Variants in KCND3 observed in about 807,000 individuals in gnomAD.
KCND3 encodes the protein A-type voltage-gated potassium channel KCND3.
KCND3 carries 9 observed loss-of-function variants against 51.1 expected under a neutral mutation model. That is an observed-to-expected ratio of 0.18 (90% CI 0.11 to 0.31). The LOEUF is 0.31. Among genes scored for constraint, KCND3 ranks in the 10% least tolerant of loss-of-function variants. KCND3 has a pLI of 1.00. For missense variants in KCND3, 526 were observed against 903.8 expected, an observed-to-expected ratio of 0.58 and a Z score of 5.36; for synonymous variants, 349 against 368.0, an observed-to-expected ratio of 0.95 and a Z score of 0.59.
chr1:111,865,805 AC>A (rs1332843952), intron 2 of KCND3, among the ~76,000 whole-genome samples: 2 of 152,172 alleles, frequency 1.3e-5, no homozygotes, highest in Non-Finnish European at 2.9e-5. Context: ...CCTGGATTCA[AC>A]TGATCCACCT....
intron 2 of KCND3, among the ~76,000 whole-genome samples, chr1:111,929,695 T>A (rs921963090): frequency 3.5e-4 from 53 of 152,180 alleles, no homozygotes; most frequent in African/African-American, 1.2e-3. Flanking sequence ...CCATCCTGCT[T>A]GTGCCTTTCT....
chr1:111,984,867 C>T lies in KCND3; in HGVS notation c.-72-2069G>A, dbSNP rs756424755. Among the ~76,000 whole-genome samples the T allele has an allele frequency of 1.3e-3, 193 of 152,168 alleles. 2 individuals carry two copies. The highest frequency in any genetic ancestry group is 3.2e-4 in the Non-Finnish European group (22 of 68,032). ...CCTATTCATCACTCTCTCTGTGATG[C>T]TTCCTCCTCTCCTCACTATGAGATT... On this transcript the variant is annotated intron_variant, in intron 1 of 7. Coordinates refer to ENST00000302127, the MANE Select transcript of KCND3 (RefSeq NM_001378969.1).
chr1:111,964,576 T>C (rs1673862983), intron 2 of KCND3, among the ~76,000 whole-genome samples: 1 of 152,126 alleles, frequency 6.6e-6, no homozygotes, highest in Non-Finnish European at 1.5e-5. Context: ...AGCACAGCTC[T>C]AAGGGAAAAC....
chr1:111,861,611 A>G (rs1202522985), intron 2 of KCND3, among the ~76,000 whole-genome samples: 1 of 152,066 alleles, frequency 6.6e-6, no homozygotes, highest in Non-Finnish European at 1.5e-5. Flanking sequence ...AGTGGAAGAG[A>G]ACATGTCACC....
intron 2 of KCND3, among the ~76,000 whole-genome samples, chr1:111,939,396 C>A (rs1672380062): frequency 6.6e-6 from 1 of 152,150 alleles, no homozygotes; most frequent in African/African-American, 2.4e-5. Flanking sequence ...CACCCCCCAA[C>A]AGGCCCGGGT....
intron 2 of KCND3, among the ~76,000 whole-genome samples, chr1:111,794,626 A>G (rs1342817506): frequency 6.6e-6 from 1 of 152,132 alleles, no homozygotes; most frequent in African/African-American, 2.4e-5. Flanking sequence ...CAGGGTGAGG[A>G]GAGTTCTTAG....
chr1:111,923,840 C>T (rs1671582724), intron 2 of KCND3, among the ~76,000 whole-genome samples: 1 of 152,186 alleles, frequency 6.6e-6, no homozygotes, highest in African/African-American at 2.4e-5. Context: ...AATGACTCCT[C>T]CTTACCTTAC....
intron 2 of KCND3, among the ~76,000 whole-genome samples, chr1:111,913,402 C>A (rs1671055580): frequency 6.6e-6 from 1 of 152,166 alleles, no homozygotes; most frequent in Non-Finnish European, 1.5e-5. Flanking sequence ...AGGTAGGGTC[C>A]TCAGAAAGGC....
intron 2 of KCND3, among the ~76,000 whole-genome samples, chr1:111,916,786 A>C (rs1671237918): frequency 6.6e-6 from 1 of 152,188 alleles, no homozygotes; most frequent in Non-Finnish European, 1.5e-5. Context: ...TAAGTGTGAA[A>C]ATTTAGACAA....
rs537180297 is a variant in KCND3, at chr1:111,917,449, C to T, written c.1106+64172G>A. Among the ~76,000 whole-genome samples the T allele has an allele frequency of 1.1e-4, 17 of 152,258 alleles. 1 individual carries two copies. The highest frequency in any genetic ancestry group is 3.9e-4 in the African/African-American group (16 of 41,536). On this transcript the variant is annotated intron_variant, in intron 2 of 7. Transcript: ENST00000302127. Reference sequence around the variant, plus strand: ...CTCAAAAGTGCTCAGTAAATGCTCACTATTATTGTTAATTCAAATGATTAC... The same window carrying T: ...CTCAAAAGTGCTCAGTAAATGCTCATTATTATTGTTAATTCAAATGATTAC...
At position 111,774,312 on chromosome 1, in the gene KCND3, G is replaced by A. The variant is rs906217626; in HGVS notation, c.*1765C>T. ...ACAGCTAACCACTAAGCTGTAGGAT[G>A]GATAGGCAGCTCCCGAGGAGCTCAT... On this transcript the variant is annotated 3_prime_UTR_variant, in exon 8 of 8. Coordinates refer to ENST00000302127, the MANE Select transcript of KCND3 (RefSeq NM_001378969.1). The A allele has an allele frequency of 9.9e-5, 15 of 152,214 alleles. No individual in the cohort carries two copies. The highest frequency in any genetic ancestry group is 3.6e-4 in the African/African-American group (15 of 41,446). The allele number at this position is 152,214 out of a possible 1,614,324, so 9.4% of individuals were successfully genotyped here.
At position 111,837,671 on chromosome 1, in the gene KCND3, G is replaced by A. The variant is rs141484554; in HGVS notation, c.1107-50565C>T. 2.9e-3 allele frequency among the ~76,000 whole-genome samples: 437 copies of A among 152,202 alleles called. 9 individuals are homozygous for A. Among genetic ancestry groups the A allele is most frequent in the Middle Eastern group, 0.02 (6 of 294 alleles). On this transcript the variant is annotated intron_variant, in intron 2 of 7. Coordinates refer to ENST00000302127, the MANE Select transcript of KCND3 (RefSeq NM_001378969.1). ...CCGTCGATGAAGCATAGGATCACAC[G>A]GGTGTATTCACAGCCATGTTGCCCA...
At chr1:111,781,447 G>C (rs1329816971) in intron 3 of KCND3, among the ~76,000 whole-genome samples, 1 of 152,158 alleles carries the variant, frequency 6.6e-6, no homozygotes, top group Non-Finnish European at 1.5e-5. Flanking sequence ...TAAACAGTAG[G>C]TTCTCGATTT....
intron 2 of KCND3, among the ~76,000 whole-genome samples, chr1:111,794,676 C>A (rs981304935): frequency 6.6e-6 from 1 of 152,174 alleles, no homozygotes; most frequent in Non-Finnish European, 1.5e-5. Context: ...GGGACTCAGA[C>A]CTCTGTGGCT....
intron 2 of KCND3, among the ~76,000 whole-genome samples, chr1:111,800,629 C>A (rs373644220): frequency 9.2e-5 from 14 of 151,986 alleles, no homozygotes; most frequent in African/African-American, 2.4e-4. Flanking sequence ...CAGTTGTTCC[C>A]TGCCCTATGG....
intron 7 of KCND3, among the ~76,000 whole-genome samples, chr1:111,776,666 GAGTAACAC>G (rs1382054141): frequency 6.6e-6 from 1 of 152,188 alleles, no homozygotes; most frequent in Non-Finnish European, 1.5e-5. Flanking sequence ...GATAAGCCAT[GAGTAACAC>G]AGATACGAAA....
At chr1:111,801,466 C>T (rs968211780) in intron 2 of KCND3, among the ~76,000 whole-genome samples, 2 of 152,184 alleles carry the variant, frequency 1.3e-5, no homozygotes, top group African/African-American at 2.4e-5. Flanking sequence ...TGCCTCTCCT[C>T]GCACACCCCT....
At chr1:111,872,545 T>A (rs1668872067) in intron 2 of KCND3, among the ~76,000 whole-genome samples, 1 of 152,152 alleles carries the variant, frequency 6.6e-6, no homozygotes, top group Admixed American at 6.6e-5. Flanking sequence ...AGCATTAGGA[T>A]CAGATACATG....
chr1:111,823,964 G>A (rs1277148763), intron 2 of KCND3, among the ~76,000 whole-genome samples: 1 of 152,178 alleles, frequency 6.6e-6, no homozygotes, highest in Non-Finnish European at 1.5e-5. Context: ...GTTGTAAACA[G>A]ACAATGCCCA....
Sources: allele counts gnomAD v4.1 joint callset (sites outside exome capture counted in the v4.1 genomes callset), GRCh38; gene constraint gnomAD v4.1.1; transcripts MANE v1.5; gene names NCBI Gene and HGNC (gene_info 2026-07-23, HGNC 2026-07-21).